Variants in MMRN1 observed in about 807,000 individuals in gnomAD.
The protein encoded by MMRN1 is multimerin-1.
A neutral mutation model predicts 100.7 loss-of-function variants in MMRN1; 94 were observed. That is an observed-to-expected ratio of 0.93 (90% confidence interval 0.79 to 1.11). The LOEUF is 1.11. Among genes scored for constraint, MMRN1 ranks in the 50% least tolerant of loss-of-function variants. The pLI, the probability that MMRN1 is intolerant of heterozygous loss-of-function variation, is 0.00. For synonymous variants in MMRN1, 575 were observed against 505.0 expected, an observed-to-expected ratio of 1.14 and a Z score of -1.86; for missense variants, 1,606 against 1,439.1, an observed-to-expected ratio of 1.12 and a Z score of -1.88.
chr4:89,900,901 C>G (rs948354097), intron 1 of MMRN1, among the ~76,000 whole-genome samples: 1 of 151,920 alleles, frequency 6.6e-6, no homozygotes, highest in Non-Finnish European at 1.5e-5. Context: ...ACAATACAGT[C>G]TTAAATGGGG....
intron 4 of MMRN1, among the ~76,000 whole-genome samples, chr4:89,927,183 A>T (rs1722289044): frequency 6.6e-6 from 1 of 151,376 alleles, no homozygotes; most frequent in Non-Finnish European, 1.5e-5. Context: ...GAATGTCATT[A>T]GTGTTTTGAT....
intron 1 of MMRN1, among the ~76,000 whole-genome samples, chr4:89,883,844 T>C (rs1720873631): frequency 6.6e-6 from 1 of 152,274 alleles, no homozygotes; most frequent in Non-Finnish European, 1.5e-5. Context: ...CATTTCCTTA[T>C]ACTTGCATCT....
At chr4:89,924,139 C>G (rs990321069) in intron 4 of MMRN1, among the ~76,000 whole-genome samples, 1 of 152,148 alleles carries the variant, frequency 6.6e-6, no homozygotes, top group Non-Finnish European at 1.5e-5. Flanking sequence ...ATAAAATTCT[C>G]AGAACATAGC....
At chr4:89,904,577 T>C (rs577585629) in intron 1 of MMRN1, among the ~76,000 whole-genome samples, 3 of 151,758 alleles carry the variant, frequency 2.0e-5, no homozygotes, top group Non-Finnish European at 4.4e-5. Context: ...CTTAGCATAG[T>C]ATTTTCAAGG....
intron 2 of MMRN1, among the ~76,000 whole-genome samples, chr4:89,910,087 C>T (rs1264333136): frequency 6.6e-6 from 1 of 151,338 alleles, no homozygotes; most frequent in African/African-American, 2.4e-5. Context: ...AATAGTCATA[C>T]AAATAACTCA....
intron 6 of MMRN1, among the ~76,000 whole-genome samples, chr4:89,943,871 A>G (rs554497763): frequency 6.6e-6 from 1 of 152,098 alleles, no homozygotes; most frequent in Non-Finnish European, 1.5e-5. Context: ...GTGCCCAACT[A>G]CTAGGGAGGC....
At chr4:89,920,989 G>A (rs1455450854) in intron 3 of MMRN1, among the ~76,000 whole-genome samples, 1 of 151,962 alleles carries the variant, frequency 6.6e-6, no homozygotes, top group Non-Finnish European at 1.5e-5. Context: ...GGGATGTAAA[G>A]AAATATGTGT....
In MMRN1 at chr4:89,894,939, T is replaced by G. The variant is rs1284388597; in HGVS notation, c.-33T>G. 6.4e-7 allele frequency: 1 copy of G among 1,569,602 alleles called. No individual in the cohort carries two copies. The highest frequency in any genetic ancestry group is 8.6e-7 in the Non-Finnish European group (1 of 1,159,342). ...GGCCATAAGGATTTTGTCCCCAAATTTCACATGAGCTACCTTGCTTCAAAC... is the reference window on the plus strand; with the variant it reads ...GGCCATAAGGATTTTGTCCCCAAATGTCACATGAGCTACCTTGCTTCAAAC... On this transcript the variant is annotated 5_prime_UTR_variant, in exon 1 of 8. The change creates a new upstream start codon in the 5' untranslated region. Coordinates refer to ENST00000264790, the MANE Select transcript of MMRN1 (RefSeq NM_007351.3).
intron 3 of MMRN1, among the ~76,000 whole-genome samples, chr4:89,915,560 A>C (rs965799938): frequency 6.6e-6 from 1 of 151,448 alleles, no homozygotes; most frequent in African/African-American, 2.4e-5. Flanking sequence ...AAGGTCTGGA[A>C]GGAAAACAAA....
At position 89,935,845 on chromosome 4, in the gene MMRN1, T is replaced by C; in HGVS notation, c.2165T>C (p.Leu722Ser). The stretch of plus-strand genomic sequence containing the variant: ...GAAAGACGTATCAATGAATATGCCT[T>C]AGAAATGGAAGATGGCCTCAATAAG... ...ALERRINEYALEMEDGLNKTM... is the reference protein window; with the variant it reads ...ALERRINEYASEMEDGLNKTM... Residue 722 changes from leucine to serine, a missense_variant, in exon 6 of 8, where the codon TTA becomes TCA. Transcript: ENST00000264790. 1 of 1,612,972 alleles carries C rather than the reference T, an allele frequency of 6.2e-7. No individual in the cohort carries two copies. The highest frequency in any genetic ancestry group is 8.5e-7 in the Non-Finnish European group (1 of 1,179,470).
In MMRN1 at chr4:89,936,707, G is replaced by A; in HGVS notation, c.3027G>A (p.Lys1009=). 6.2e-7 allele frequency: 1 copy of A among 1,613,446 alleles called. No homozygotes were observed. The highest frequency in any genetic ancestry group is 8.5e-7 in the Non-Finnish European group (1 of 1,179,636). Residue 1009 remains lysine, a synonymous_variant, in exon 6 of 8, where the codon AAG becomes AAA. Transcript: ENST00000264790. ...AGAAGCAAGTAAAATCATTGCCAAA[G>A]AAAATTAACGCACTTAAGAAACCAA... is the stretch of plus-strand genomic sequence containing the variant. The part of the protein sequence containing the change: ...KSQKQVKSLP[K]KINALKKPTV...
chr4:89,883,336 C>T lies in MMRN1; in HGVS notation c.-249+3734C>T, dbSNP rs779195296. Among the ~76,000 whole-genome samples the T allele has an allele frequency of 6.4e-4, 98 of 151,996 alleles. 1 individual carries two copies. Among genetic ancestry groups the T allele is most frequent in the Non-Finnish European group, 2.1e-4 (14 of 67,956 alleles). ...TGCACAATTCTCCAAAGTGGTGGTA[C>T]CATTTTATTCTACCTGAAACGTATG... On this transcript the variant is annotated intron_variant, in intron 1 of 8. Coordinates refer to the MMRN1 transcript ENST00000394980.
intron 2 of MMRN1, among the ~76,000 whole-genome samples, chr4:89,910,318 T>C (rs1721708621): frequency 6.6e-6 from 1 of 151,450 alleles, no homozygotes; most frequent in Admixed American, 6.6e-5. Flanking sequence ...GCATTGCTAA[T>C]TCTTTAGTAA....
At chr4:89,951,564 T>A in intron 6 of MMRN1, 41 bp from the exon 7 acceptor site, 1 of 1,431,108 alleles carries the variant, frequency 7.0e-7, no homozygotes. Flanking sequence ...GGAAAATAGG[T>A]CACTTTATTC....
chr4:89,905,683 C>A (rs929746950), intron 1 of MMRN1, among the ~76,000 whole-genome samples: 2 of 151,402 alleles, frequency 1.3e-5, no homozygotes, highest in African/African-American at 2.4e-5. Context: ...CCTTTTAAAT[C>A]TCTACGTTAA....
intron 3 of MMRN1, 131 bp downstream of exon 3, chr4:89,912,181 T>C (rs1260018176): frequency 1.0e-5 from 5 of 494,350 alleles, no homozygotes; most frequent in Non-Finnish European, 1.7e-5. Flanking sequence ...TGTTATACTT[T>C]CTAAGCTTTC....
At chr4:89,926,114 A>G (rs1722250433) in intron 4 of MMRN1, among the ~76,000 whole-genome samples, 1 of 152,174 alleles carries the variant, frequency 6.6e-6, no homozygotes, top group Admixed American at 6.6e-5. Flanking sequence ...TCTTGGATAT[A>G]CAGATTTCCT....
intron 5 of MMRN1, 75 bp downstream of exon 5, chr4:89,928,043 A>G: frequency 8.1e-7 from 1 of 1,239,374 alleles, no homozygotes; most frequent in Non-Finnish European, 1.1e-6. Context: ...TTCTTACATC[A>G]CTTTGGGATC....
chr4:89,926,449 A>G (rs1722265599), intron 4 of MMRN1, among the ~76,000 whole-genome samples: 1 of 152,034 alleles, frequency 6.6e-6, no homozygotes, highest in Non-Finnish European at 1.5e-5. Context: ...GTATATTCAA[A>G]TCTTTTGCCC....
Sources: allele counts gnomAD v4.1 joint callset (sites outside exome capture counted in the v4.1 genomes callset), GRCh38; gene constraint gnomAD v4.1.1; transcripts MANE v1.5; gene names NCBI Gene and HGNC (gene_info 2026-07-23, HGNC 2026-07-21).